Variants in SLC8A2 observed in about 807,000 individuals in gnomAD.
SLC8A2 encodes sodium/calcium exchanger 2.
In SLC8A2, 14 loss-of-function variants were observed where a neutral mutation model predicts 70.2. The observed-to-expected ratio is 0.20, with a 90% CI of 0.13 to 0.31. SLC8A2 has a LOEUF of 0.31. Among genes scored for constraint, SLC8A2 ranks in the 10% least tolerant of loss-of-function variants. SLC8A2 has a pLI of 1.00. For missense variants in SLC8A2, 779 were observed against 1,320.1 expected (o/e 0.59, Z 6.35); for synonymous variants, 575 against 594.3 (o/e 0.97, Z 0.47).
At chr19:47,464,980 T>A (rs781592943) in intron 2 of SLC8A2, among the ~76,000 whole-genome samples, 3 of 152,214 alleles carry the variant, frequency 2.0e-5, no homozygotes, top group Non-Finnish European at 4.4e-5. Flanking sequence ...ACTATTGGAA[T>A]AAATTATGCA....
intron 3 of SLC8A2, among the ~76,000 whole-genome samples, chr19:47,451,380 C>T (rs1967233478): frequency 6.6e-6 from 1 of 152,116 alleles, no homozygotes; most frequent in African/African-American, 2.4e-5. Flanking sequence ...ACAATCCCAG[C>T]TCACTGCAGC....
chr19:47,450,524 A>G (rs1217690625), intron 3 of SLC8A2, among the ~76,000 whole-genome samples: 2 of 152,124 alleles, frequency 1.3e-5, no homozygotes, highest in African/African-American at 2.4e-5. Flanking sequence ...CTCCGTCTCA[A>G]AAAGGTGGGG....
intron 3 of SLC8A2, among the ~76,000 whole-genome samples, chr19:47,450,240 G>A (rs1485366293): frequency 6.6e-6 from 1 of 152,086 alleles, no homozygotes; most frequent in African/African-American, 2.4e-5. Context: ...AGGGGTTCTG[G>A]GGCCGGGCGC....
At position 47,429,967 on chromosome 19, in the gene SLC8A2, G is replaced by A. The variant is rs969019216; in HGVS notation, c.*122C>T. The A allele has an allele frequency of 7.1e-6, 7 of 982,766 alleles. No homozygotes were observed. The highest frequency in any genetic ancestry group is 5.5e-5 in the Admixed American group (2 of 36,124). The allele number at this position is 982,766 out of a possible 1,614,324, so 60.9% of individuals were successfully genotyped here. On this transcript the variant is annotated 3_prime_UTR_variant, in exon 10 of 10. Coordinates refer to ENST00000236877, the MANE Select transcript of SLC8A2 (RefSeq NM_015063.3). ...AAAGCCAGGGGAGGGGGCGGAGAAG[G>A]GAGGCCGAGTCCCAGGAGAGGAGGC...
rs147310684 is a variant in SLC8A2, at chr19:47,459,876, C to T, written c.676-2282G>A. Among the ~76,000 whole-genome samples, 530 of 152,180 alleles carry T rather than the reference C, an allele frequency of 3.5e-3. 3 individuals carry two copies. Among genetic ancestry groups the T allele is most frequent in the Non-Finnish European group, 6.0e-3 (406 of 68,010 alleles). On this transcript the variant is annotated intron_variant, in intron 2 of 9. Transcript: ENST00000236877. ...TATCCACCTTTTAGATGCTGAGAAC[C>T]ATGCCCAGCTGCCCAGGTGCCAGGA...
Position 47,457,381 on chromosome 19 carries a change from C to A in SLC8A2, c.889G>T (p.Gly297Cys), listed in dbSNP as rs1176085653. ...VGAEAPGELG[G>C]LGPGPAEARE... ...GCCTCGGCGGGGCCCGGGCCCAGGC[C>A]GCCCAGCTCACCTGGGGCCTCGGCG... Residue 297 changes from glycine (G) to cysteine (C), a missense_variant, in exon 3 of 10, where the codon GGC (glycine) becomes TGC (cysteine). Gly to Cys is a radical substitution (Grantham distance 159). Around this residue, in one of 6 missense-constraint regions of SLC8A2, gnomAD observed 186 missense variants for 246.6 expected, o/e 0.75. Coordinates refer to ENST00000236877, the MANE Select transcript of SLC8A2 (RefSeq NM_015063.3). The A allele has an allele frequency of 5.8e-6, 9 of 1,551,064 alleles. No individual in the cohort carries two copies. The highest frequency in any genetic ancestry group is 7.0e-6 in the Non-Finnish European group (8 of 1,149,314).
chr19:47,463,679 C>CA (rs200422472), intron 2 of SLC8A2, among the ~76,000 whole-genome samples: 23,230 of 119,920 alleles, frequency 0.19, 2,122 homozygotes, highest in African/African-American at 0.27. Context: ...GACTCTGTCT[C>CA]AAAAAAAAAA....
rs1967460240 is a variant in SLC8A2, at chr19:47,466,324, G to A, written c.80C>T (p.Ser27Phe). The A allele has an allele frequency of 1.2e-5, 18 of 1,477,922 alleles. No homozygotes were observed. The highest frequency in any genetic ancestry group is 1.9e-4 in the Middle Eastern group (1 of 5,236). The allele number at this position is 1,477,922 out of a possible 1,614,324, so 91.6% of individuals were successfully genotyped here. The change falls in exon 2 of 10, where the codon TCC becomes TTC. Residue 27 changes from serine to phenylalanine, a missense_variant. Transcript: ENST00000236877. This position sits in a 1 kb window ranked among gnomAD's most constrained non-coding sequence, Gnocchi z 6.9. ...GTCATTGGCCGGGGGAGGCGGCAGG[G>A]AGGGGGTTGGGGTGGCTGCCCCGGA... Reference protein sequence around the residue: ...PCSGAATPTPSLPPPPANDSD... With the variant: ...PCSGAATPTPFLPPPPANDSD...
Position 47,447,845 on chromosome 19 carries a change from G to T in SLC8A2, c.1727C>A (p.Ala576Glu), listed in dbSNP as rs755210861. The T allele has an allele frequency of 3.1e-6, 5 of 1,595,414 alleles. No individual in the cohort carries two copies. The highest frequency in any genetic ancestry group is 1.4e-5 in the African/African-American group (1 of 74,012). ...GTCGCCAAACTCCAGCTCTCCGCAC[G>T]CGTCCTCGTAGTGCACGCCGCCGCC... ...ARGGGVHYED[A>E]CGELEFGDDE... Residue 576 changes from alanine (A) to glutamate (E), a missense_variant, in exon 4 of 10, where the codon GCG becomes GAG. Around this residue, in one of 6 missense-constraint regions of SLC8A2, gnomAD observed 247 missense variants for 362.8 expected, o/e 0.68. Transcript: ENST00000236877. The surrounding 1 kb of genome is among the most constrained non-coding windows in gnomAD (Gnocchi z 5.1).
chr19:47,432,618 A>C lies in SLC8A2; in HGVS notation c.2111-173T>G, dbSNP rs149582350. On this transcript the variant is annotated intron_variant, in intron 8 of 9. Coordinates refer to ENST00000236877, the MANE Select transcript of SLC8A2 (RefSeq NM_015063.3). The surrounding 1 kb of genome is among the most constrained non-coding windows in gnomAD (Gnocchi z 6.2). ...TGCTAAAAACAGTTACTTTCCCAGA[A>C]TCCCTTGAAGCTAGGAGCTTGATTG... 6.3e-4 allele frequency: 366 copies of C among 584,932 alleles called. 5 individuals are homozygous for C. Among genetic ancestry groups the C allele is most frequent in the South Asian group, 6.0e-3 (211 of 35,294 alleles). The allele number at this position is 584,932 out of a possible 1,614,324, so 36.2% of individuals were successfully genotyped here.
rs1967311391 is a variant in SLC8A2 at position 47,456,947 on chromosome 19, G to C, written c.1323C>G (p.Gly441=). Residue 441 remains glycine (G), a synonymous_variant, in exon 3 of 10, where the codon GGC becomes GGG. Transcript: ENST00000236877. ...GGACCCACCTGTACTCGTAGTCGGA[G>C]CCCGCCTTGGCAGAGCCGTCCTCAG... The part of the protein sequence containing the change: ...YRTEDGSAKA[G]SDYEYSEGTL... 10 of 1,608,354 alleles carry C rather than the reference G, an allele frequency of 6.2e-6. No individual in the cohort carries two copies. Among genetic ancestry groups the C allele is most frequent in the Non-Finnish European group, 8.5e-6 (10 of 1,177,572 alleles).
intron 1 of SLC8A2, among the ~76,000 whole-genome samples, chr19:47,469,190 G>T (rs1186256061): frequency 1.3e-5 from 2 of 150,996 alleles, no homozygotes; most frequent in Admixed American, 1.3e-4. Flanking sequence ...ATTCTTAAAG[G>T]GCCACCGCAC....
chr19:47,459,499 TC>T (rs1967361825), intron 2 of SLC8A2, among the ~76,000 whole-genome samples: 1 of 152,060 alleles, frequency 6.6e-6, no homozygotes, highest in Non-Finnish European at 1.5e-5. Context: ...TCTCTCTTGC[TC>T]CCCATCTCTG....
rs953081824 is a variant in SLC8A2, at chr19:47,445,738, G to A, written c.1763+2071C>T. 6.6e-5 allele frequency among the ~76,000 whole-genome samples: 10 copies of A among 152,172 alleles called. No individual in the cohort carries two copies. In the South Asian group the frequency reaches 1.9e-3, roughly 28 times the overall value. On this transcript the variant is annotated intron_variant, in intron 4 of 9. Transcript: ENST00000236877. Reference sequence around the variant, plus strand: ...GTGTCCCAGCCTGGGGAAGCCATGTGGGGGAGGACAGGGCCGTAAGGTTGC... The same window carrying A: ...GTGTCCCAGCCTGGGGAAGCCATGTAGGGGAGGACAGGGCCGTAAGGTTGC...
At chr19:47,469,588 C>T (rs1210946389) in intron 1 of SLC8A2, among the ~76,000 whole-genome samples, 2 of 152,172 alleles carry the variant, frequency 1.3e-5, no homozygotes, top group South Asian at 2.1e-4. Flanking sequence ...CCTGGTTTCT[C>T]GCTGGGGCCT....
At chr19:47,461,907 G>T (rs980032411) in intron 2 of SLC8A2, among the ~76,000 whole-genome samples, 2 of 152,188 alleles carry the variant, frequency 1.3e-5, no homozygotes, top group African/African-American at 2.4e-5. Flanking sequence ...GACATTTTCA[G>T]GTCTCAGTGG....
intron 1 of SLC8A2, among the ~76,000 whole-genome samples, chr19:47,469,535 C>A (rs555876450): frequency 6.6e-6 from 1 of 152,338 alleles, no homozygotes; most frequent in South Asian, 2.1e-4. Flanking sequence ...AGCCCAGGGG[C>A]TGGGTCAAGC....
chr19:47,431,968 C>G, intron 9 of SLC8A2, 199 bp downstream of exon 9: 1 of 475,820 alleles, frequency 2.1e-6, no homozygotes, highest in Non-Finnish European at 3.7e-6. Context: ...TACCTGGGTG[C>G]TTTTGGGGAG....
chr19:47,431,674 A>C (rs1379296950), intron 9 of SLC8A2, among the ~76,000 whole-genome samples: 20 of 140,648 alleles, frequency 1.4e-4, no homozygotes, highest in African/African-American at 4.7e-4. Flanking sequence ...AAAAAAAAAA[A>C]AAAAAACAAA....
Sources: gnomAD v4.1 joint callset for allele counts (sites outside exome capture counted in the v4.1 genomes callset) on GRCh38, gnomAD v4.1.1 for gene constraint, gnomAD v4.1.1 regional missense constraint, Gnocchi (gnomAD v3.1) non-coding constraint, MANE v1.5 for transcripts, NCBI Gene and HGNC (gene_info 2026-07-23, HGNC 2026-07-21) for gene names.